The following RREB1 variants were observed in gnomAD, a reference collection of about 807,000 sequenced individuals.
RREB1 encodes ras-responsive element-binding protein 1.
A neutral mutation model predicts 117.8 loss-of-function variants in RREB1; 27 were observed. The observed-to-expected ratio is 0.23, with a 90% CI of 0.17 to 0.32. RREB1 has a LOEUF of 0.32. RREB1 is among the 10% of genes least tolerant of loss of function. RREB1 has a pLI of 1.00. For synonymous variants in RREB1, 1,298 were observed against 1,026.7 expected (o/e 1.26, Z -5.05); for missense variants, 2,577 against 2,378.2 (o/e 1.08, Z -1.74).
intron 6 of RREB1, among the ~76,000 whole-genome samples, chr6:7,192,261 C>T (rs913956014): frequency 6.6e-6 from 1 of 151,412 alleles, no homozygotes; most frequent in African/African-American, 2.4e-5. Context: ...GGCGTGATCT[C>T]GGCTCACGGC....
intron 4 of RREB1, among the ~76,000 whole-genome samples, chr6:7,186,822 G>A (rs1014434000): frequency 6.6e-6 from 1 of 152,192 alleles, no homozygotes; most frequent in Non-Finnish European, 1.5e-5. Flanking sequence ...TATCAAAGTT[G>A]TCGTGATAAG....
chr6:7,177,735 T>A (rs1304923513), intron 2 of RREB1, among the ~76,000 whole-genome samples: 1 of 152,114 alleles, frequency 6.6e-6, no homozygotes, highest in East Asian at 1.9e-4. Context: ...GTCTTTCTTG[T>A]CTTTCTTGAT....
chr6:7,148,783 A>C (rs896327039), intron 1 of RREB1, among the ~76,000 whole-genome samples: 3 of 152,222 alleles, frequency 2.0e-5, no homozygotes, highest in Non-Finnish European at 4.4e-5. Context: ...CTGCTTCATG[A>C]GTTAACATGA....
At position 7,230,491 on chromosome 6, in the gene RREB1, GCGTTCGCGGCC is replaced by G; in HGVS notation, c.2393_2403del (p.Ala798GlufsTer39). The G allele has an allele frequency of 6.3e-7, 1 of 1,593,622 alleles. No individual in the cohort carries two copies. The highest frequency in any genetic ancestry group is 8.5e-7 in the Non-Finnish European group (1 of 1,176,896). On this transcript the variant is annotated frameshift_variant, in exon 10 of 13. Coordinates refer to ENST00000379938, the MANE Select transcript of RREB1 (RefSeq NM_001003699.4). LOFTEE classifies it high-confidence loss of function. ...CTTCGAGTGCAAGGAGTGCAGCGCC[GCGTTCGCGGCC>G]AAGCGCAACTGCATCCACCACATCC...
At chr6:7,111,921 G>A (rs1039994476) in intron 1 of RREB1, among the ~76,000 whole-genome samples, 6 of 152,038 alleles carry the variant, frequency 3.9e-5, no homozygotes, top group African/African-American at 1.2e-4. Context: ...CTTTTATTCC[G>A]CATGAAACAG....
chr6:7,230,507 G>A lies in RREB1; in HGVS notation c.2408G>A (p.Arg803His), dbSNP rs1168181977. The change falls in exon 10 of 13, where the codon CGC becomes CAC. Residue 803 changes from arginine to histidine, a missense_variant. Arg to His is a conservative substitution (Grantham distance 29, BLOSUM62 0). Transcript: ENST00000379938. ...TGCAGCGCCGCGTTCGCGGCCAAGC[G>A]CAACTGCATCCACCACATCCTCAAG... ...KECSAAFAAK[R>H]NCIHHILKQH... 1.9e-6 allele frequency: 3 copies of A among 1,593,444 alleles called. No homozygotes were observed. The highest frequency in any genetic ancestry group is 2.6e-6 in the Non-Finnish European group (3 of 1,176,168).
intron 6 of RREB1, among the ~76,000 whole-genome samples, chr6:7,208,918 A>G (rs960409447): frequency 6.6e-6 from 1 of 152,154 alleles, no homozygotes; most frequent in Non-Finnish European, 1.5e-5. Context: ...GGGGAAGAGC[A>G]TGAGCTCAGA....
chr6:7,162,231 A>G (rs148620549), intron 1 of RREB1, among the ~76,000 whole-genome samples: 3 of 152,060 alleles, frequency 2.0e-5, no homozygotes, highest in South Asian at 2.1e-4. Flanking sequence ...GATCTCTACC[A>G]TCTACTGTCT....
chr6:7,234,514 A>G (rs891878186), intron 10 of RREB1, among the ~76,000 whole-genome samples: 1 of 152,208 alleles, frequency 6.6e-6, no homozygotes, highest in Non-Finnish European at 1.5e-5. Context: ...GAATGCCAAA[A>G]TGTCAGTGTT....
intron 8 of RREB1, 147 bp downstream of exon 8, chr6:7,211,856 T>TG: frequency 1.2e-6 from 1 of 835,408 alleles, no homozygotes; most frequent in Non-Finnish European, 1.9e-6. Context: ...AGTATCGGTG[T>TG]GGGGAAAAAG....
chr6:7,152,799 G>T (rs1763183257), intron 1 of RREB1, among the ~76,000 whole-genome samples: 1 of 152,202 alleles, frequency 6.6e-6, no homozygotes, highest in South Asian at 2.1e-4. Context: ...GTACACAAAG[G>T]AGTTGTTCCA....
chr6:7,236,707 A>G (rs1014425328), intron 10 of RREB1, among the ~76,000 whole-genome samples: 1 of 151,958 alleles, frequency 6.6e-6, no homozygotes, highest in African/African-American at 2.4e-5. Flanking sequence ...TGTCTTTGAA[A>G]AATGAACAGA....
intron 9 of RREB1, among the ~76,000 whole-genome samples, chr6:7,227,219 G>A (rs931552883): frequency 1.3e-5 from 2 of 152,036 alleles, no homozygotes; most frequent in African/African-American, 4.8e-5. Flanking sequence ...TCCAGCGTGG[G>A]TGGCAGAGAG....
intron 1 of RREB1, among the ~76,000 whole-genome samples, chr6:7,172,643 T>C (rs572346906): frequency 3.3e-5 from 5 of 151,516 alleles, no homozygotes; most frequent in African/African-American, 1.2e-4. Flanking sequence ...GGGCCTGCTC[T>C]AAGGCTCCTG....
At chr6:7,172,214 G>T (rs959522692) in intron 1 of RREB1, among the ~76,000 whole-genome samples, 5 of 152,012 alleles carry the variant, frequency 3.3e-5, no homozygotes, top group Admixed American at 3.3e-4. Context: ...CAAAGTGGTG[G>T]GATTAGAGGC....
intron 6 of RREB1, among the ~76,000 whole-genome samples, chr6:7,203,501 A>AG (rs1253016901): frequency 1.3e-5 from 2 of 152,222 alleles, no homozygotes; most frequent in African/African-American, 4.8e-5. Context: ...ACTGCCAAGG[A>AG]ACCTGAGGTA....
chr6:7,220,566 C>T (rs973303863), intron 8 of RREB1, among the ~76,000 whole-genome samples: 1 of 152,196 alleles, frequency 6.6e-6, no homozygotes, highest in African/African-American at 2.4e-5. Flanking sequence ...ACTTTACTGA[C>T]AGCAAAGTTA....
chr6:7,250,359 A>G lies in RREB1; in HGVS notation c.*1391A>G, dbSNP rs577080316. On this transcript the variant is annotated 3_prime_UTR_variant, in exon 13 of 13. Transcript: ENST00000379938. The stretch of plus-strand genomic sequence containing the variant: ...CGATGTGGGGTTGGTGCTTGAAGAT[A>G]AATGTGCTGTTTCTAGTTTCTTAAA... The G allele has an allele frequency of 2.6e-5, 4 of 152,338 alleles. No individual in the cohort carries two copies. In the East Asian group the frequency reaches 7.7e-4, roughly 29 times the overall value. The allele number at this position is 152,338 out of a possible 1,614,324, so 9.4% of individuals were successfully genotyped here.
chr6:7,237,477 G>A (rs775200706), intron 10 of RREB1, among the ~76,000 whole-genome samples: 8 of 151,450 alleles, frequency 5.3e-5, no homozygotes, highest in Non-Finnish European at 1.2e-4. Context: ...ATCCACCTCC[G>A]TTGGCCTCCC....
Sources: gnomAD v4.1 joint callset for allele counts (sites outside exome capture counted in the v4.1 genomes callset) on GRCh38, gnomAD v4.1.1 for gene constraint, MANE v1.5 for transcripts, NCBI Gene and HGNC (gene_info 2026-07-23, HGNC 2026-07-21) for gene names.